The following RAD54B variants were observed in gnomAD, a reference collection of about 807,000 sequenced individuals.
The protein encoded by RAD54B is RAD54 homolog B.
RAD54B carries 78 observed loss-of-function variants against 95.8 expected under a neutral mutation model. The observed-to-expected ratio is 0.81, with a 90% CI of 0.68 to 0.98. The LOEUF is 0.98. Among genes scored for constraint, RAD54B ranks in the 50% least tolerant of loss-of-function variants. The pLI, the probability that RAD54B is intolerant of heterozygous loss-of-function variation, is 0.00. For missense variants in RAD54B, 957 were observed against 1,056.6 expected, an observed-to-expected ratio of 0.91 and a Z score of 1.31; for synonymous variants, 328 against 354.9, an observed-to-expected ratio of 0.92 and a Z score of 0.85.
intron 3 of RAD54B, chr8:94,428,268 T>C: frequency 2.1e-6 from 2 of 966,084 alleles, no homozygotes; most frequent in South Asian, 4.8e-5. Flanking sequence ...CTTCTCTATG[T>C]TCTCCCAGCA....
At position 94,378,388 on chromosome 8, in the gene RAD54B, G is replaced by A. The variant is rs771778193; in HGVS notation, c.2315-8C>T. 3.7e-6 allele frequency: 6 copies of A among 1,603,830 alleles called. No individual in the cohort carries two copies. The East Asian group carries it at 1.1e-4, about 30-fold the overall frequency. On this transcript the variant is annotated splice_region_variant and splice_polypyrimidine_tract_variant and intron_variant, in intron 13 of 14. Coordinates refer to ENST00000336148, the MANE Select transcript of RAD54B (RefSeq NM_012415.3). ...TCTTTTCTTCTATTGTACCTAAAGA[G>A]AAAACATTAATTAGATTTCCTTCAG...
intron 3 of RAD54B, among the ~76,000 whole-genome samples, chr8:94,455,667 C>T (rs550438122): frequency 6.6e-6 from 1 of 152,260 alleles, no homozygotes; most frequent in African/African-American, 2.4e-5. Context: ...GTCTGGAAAC[C>T]AGAAGTCCAA....
chr8:94,422,601 AAAAAAAAAAAAAAAAAATATATATATAT>A (rs1424276891), intron 3 of RAD54B, among the ~76,000 whole-genome samples: 16 of 93,322 alleles, frequency 1.7e-4, no homozygotes, highest in Admixed American at 6.7e-4. Context: ...AAAAAAAAAA[AAAAAAAAAAAAAAAAAATATATATATAT>A]ATATATATAT....
intron 3 of RAD54B, among the ~76,000 whole-genome samples, chr8:94,434,692 C>T (rs1311924804): frequency 2.0e-5 from 3 of 151,290 alleles, no homozygotes; most frequent in Non-Finnish European, 4.4e-5. Flanking sequence ...AATATAAGCA[C>T]ATTAAATATA....
Position 94,404,076 on chromosome 8 carries a change from C to A in RAD54B, c.944+1G>T. The A allele has an allele frequency of 6.3e-7, 1 of 1,585,628 alleles. No homozygotes were observed. Among genetic ancestry groups the A allele is most frequent in the Non-Finnish European group, 8.6e-7 (1 of 1,164,902 alleles). On this transcript the variant is annotated splice_donor_variant, in intron 6 of 14. Coordinates refer to ENST00000336148, the MANE Select transcript of RAD54B (RefSeq NM_012415.3). LOFTEE classifies it high-confidence loss of function. ...ATTAAACAAATGATTTATTTTCCTACCTCATTCCCATTACACATTCATAAA... is the reference window on the plus strand; with the variant it reads ...ATTAAACAAATGATTTATTTTCCTAACTCATTCCCATTACACATTCATAAA...
chr8:94,428,146 C>G, intron 3 of RAD54B: 1 of 860,676 alleles, frequency 1.2e-6, no homozygotes, highest in Non-Finnish European at 1.4e-6. Flanking sequence ...AAGTGGCTAT[C>G]CACTATCTAA....
At chr8:94,458,219 G>A (rs760866608) in intron 3 of RAD54B, 49 bp downstream of exon 3, 2 of 1,451,546 alleles carry the variant, frequency 1.4e-6, no homozygotes, top group Admixed American at 5.0e-5. Context: ...AAAGAATACT[G>A]TAATACTATT....
intron 1 of RAD54B, among the ~76,000 whole-genome samples, chr8:94,468,975 A>G (rs1298638486): frequency 6.6e-6 from 1 of 151,954 alleles, no homozygotes; most frequent in Admixed American, 6.5e-5. Flanking sequence ...AAACAAAAAC[A>G]AAACATATGA....
At chr8:94,438,511 T>C (rs1400998291) in intron 3 of RAD54B, among the ~76,000 whole-genome samples, 2 of 152,226 alleles carry the variant, frequency 1.3e-5, no homozygotes, top group African/African-American at 4.8e-5. Context: ...AAAATCATTC[T>C]AGCATTTTCT....
At chr8:94,435,134 C>A (rs1368663232) in intron 3 of RAD54B, among the ~76,000 whole-genome samples, 1 of 151,986 alleles carries the variant, frequency 6.6e-6, no homozygotes. Flanking sequence ...AGAGAAAATT[C>A]TGCATAAGTA....
chr8:94,449,506 G>A (rs1812604125), intron 3 of RAD54B, among the ~76,000 whole-genome samples: 1 of 151,560 alleles, frequency 6.6e-6, no homozygotes, highest in Admixed American at 6.6e-5. Context: ...CTACTCAGGA[G>A]CCTGAGACAG....
intron 10 of RAD54B, among the ~76,000 whole-genome samples, chr8:94,388,110 T>C (rs929866209): frequency 1.3e-5 from 2 of 152,184 alleles, no homozygotes; most frequent in African/African-American, 4.8e-5. Context: ...TTTGACTTTA[T>C]CTAATTGAGC....
chr8:94,439,088 C>A (rs1216934041), intron 3 of RAD54B, among the ~76,000 whole-genome samples: 1 of 151,382 alleles, frequency 6.6e-6, no homozygotes, highest in Non-Finnish European at 1.5e-5. Context: ...CGAGACCCTG[C>A]CTCAAAAAAA....
At position 94,380,125 on chromosome 8, in the gene RAD54B, T is replaced by G; in HGVS notation, c.2247+20A>C. The stretch of plus-strand genomic sequence containing the variant: ...CCTCAGGCATTCAATAATATCTATT[T>G]AATGCATAAATATTCCTACCTGAAT... On this transcript the variant is annotated intron_variant, in intron 12 of 14. Transcript: ENST00000336148. 1 of 1,584,146 alleles carries G rather than the reference T, an allele frequency of 6.3e-7. No individual in the cohort carries two copies. Among genetic ancestry groups the G allele is most frequent in the Non-Finnish European group, 8.6e-7 (1 of 1,158,356 alleles).
intron 3 of RAD54B, chr8:94,436,915 C>G: frequency 6.8e-7 from 1 of 1,478,612 alleles, no homozygotes; most frequent in South Asian, 1.4e-5. Context: ...ACCATGCAGC[C>G]TTCAGCTCTG....
rs200450292 is a variant in RAD54B at position 94,412,337 on chromosome 8, G to C, written c.305-1022C>G. 4.6e-5 allele frequency among the ~76,000 whole-genome samples: 7 copies of C among 151,350 alleles called. No individual in the cohort carries two copies. The East Asian group carries it at 1.4e-3, about 29-fold the overall frequency. On this transcript the variant is annotated intron_variant, in intron 3 of 14. Coordinates refer to ENST00000336148, the MANE Select transcript of RAD54B (RefSeq NM_012415.3). Reference sequence around the variant, plus strand: ...TGTGAAAAATACTCCAAGGAACATGGGAATGCAGATATCTCTTCAACATGC... The same window carrying C: ...TGTGAAAAATACTCCAAGGAACATGCGAATGCAGATATCTCTTCAACATGC...
intron 3 of RAD54B, among the ~76,000 whole-genome samples, chr8:94,444,292 G>C (rs1812467387): frequency 6.6e-6 from 1 of 151,808 alleles, no homozygotes; most frequent in South Asian, 2.1e-4. Context: ...AAGGCAATTT[G>C]GCAGACCATA....
intron 10 of RAD54B, among the ~76,000 whole-genome samples, chr8:94,390,523 T>A (rs1810992137): frequency 6.7e-6 from 1 of 148,444 alleles, no homozygotes; most frequent in African/African-American, 2.4e-5. Flanking sequence ...AATAAACAAA[T>A]AAATAAACAG....
At chr8:94,418,248 T>A (rs886674838) in intron 3 of RAD54B, among the ~76,000 whole-genome samples, 3 of 152,182 alleles carry the variant, frequency 2.0e-5, no homozygotes, top group African/African-American at 7.2e-5. Flanking sequence ...AATCTGTGCA[T>A]CTCTGGTTAT....
Sources: gnomAD v4.1 joint callset for allele counts (sites outside exome capture counted in the v4.1 genomes callset) on GRCh38, gnomAD v4.1.1 for gene constraint, MANE v1.5 for transcripts, NCBI Gene and HGNC (gene_info 2026-07-23, HGNC 2026-07-21) for gene names.